The following TYR variants were observed in gnomAD, a reference collection of about 807,000 sequenced individuals.
The protein encoded by TYR is LB24-AB.
A neutral mutation model predicts 51.5 loss-of-function variants in TYR; 58 were observed. The ratio of observed to expected loss-of-function variants is 1.13; its 90% CI spans 0.91 to 1.40. The LOEUF is 1.40. Ranked by LOEUF, TYR falls within the 40% of genes most tolerant of loss-of-function variation. TYR has a pLI of 0.00. For missense variants in TYR, 732 were observed against 647.4 expected (o/e 1.13, Z -1.42); for synonymous variants, 263 against 235.2 (o/e 1.12, Z -1.08).
intron 2 of TYR, among the ~76,000 whole-genome samples, chr11:89,203,719 C>G (rs1943630624): frequency 6.6e-6 from 1 of 152,066 alleles, no homozygotes; most frequent in South Asian, 2.1e-4. Context: ...GCTGAAGAAG[C>G]TTGTAACCTA....
chr11:89,287,589 C>A (rs1057448726), intron 4 of TYR, among the ~76,000 whole-genome samples: 8 of 151,628 alleles, frequency 5.3e-5, no homozygotes, highest in African/African-American at 7.3e-5. Context: ...CTCCAGGGGT[C>A]AATGAAGTGA....
chr11:89,239,218 C>A (rs186607978), intron 3 of TYR, among the ~76,000 whole-genome samples: 105 of 152,198 alleles, frequency 6.9e-4, no homozygotes, highest in African/African-American at 2.4e-3. Context: ...AAGCTTTTCT[C>A]TGATGGAATA....
chr11:89,206,519 A>G (rs1943674324), intron 2 of TYR, among the ~76,000 whole-genome samples: 1 of 152,182 alleles, frequency 6.6e-6, no homozygotes, highest in African/African-American at 2.4e-5. Context: ...AAAAGGAAGA[A>G]ATAGACAAAT....
chr11:89,230,185 T>C (rs35105852), intron 3 of TYR, among the ~76,000 whole-genome samples: 31,099 of 151,942 alleles, frequency 0.2, 4,600 homozygotes, highest in African/African-American at 0.42. Flanking sequence ...TAAAAGAAGA[T>C]TTATTGTTCA....
At chr11:89,192,079 G>T (rs1591143678) in intron 2 of TYR, 1 of 414,612 alleles carries the variant, frequency 2.4e-6, no homozygotes. Flanking sequence ...CATAGGTAAA[G>T]CCTCCCTCTC....
At chr11:89,182,611 ATT>A (rs1214892076) in intron 1 of TYR, among the ~76,000 whole-genome samples, 1 of 152,146 alleles carries the variant, frequency 6.6e-6, no homozygotes, top group East Asian at 1.9e-4. Flanking sequence ...TAATTAATTT[ATT>A]TGGAAATATT....
chr11:89,185,642 C>T (rs1345407150), intron 1 of TYR, among the ~76,000 whole-genome samples: 1 of 152,012 alleles, frequency 6.6e-6, no homozygotes, highest in East Asian at 1.9e-4. Flanking sequence ...CCCTAGTGGC[C>T]CCAAGCCTCC....
intron 3 of TYR, among the ~76,000 whole-genome samples, chr11:89,228,378 C>T (rs918387641): frequency 3.1e-4 from 47 of 152,240 alleles, no homozygotes; most frequent in African/African-American, 1.0e-3. Flanking sequence ...GGATGTAAAA[C>T]TCCCAGGAGC....
intron 3 of TYR, among the ~76,000 whole-genome samples, chr11:89,280,026 T>C (rs1944702868): frequency 6.6e-6 from 1 of 151,740 alleles, no homozygotes; most frequent in South Asian, 2.1e-4. Flanking sequence ...AACTTTATTT[T>C]GTGGCTCAAA....
intron 3 of TYR, among the ~76,000 whole-genome samples, chr11:89,260,213 A>G (rs1028306612): frequency 1.3e-5 from 2 of 151,716 alleles, no homozygotes; most frequent in African/African-American, 4.8e-5. Flanking sequence ...CTGAACTTCT[A>G]CTTCCATTGA....
At chr11:89,187,513 G>T (rs891750211) in intron 1 of TYR, among the ~76,000 whole-genome samples, 1 of 152,166 alleles carries the variant, frequency 6.6e-6, no homozygotes, top group Non-Finnish European at 1.5e-5. Context: ...TTGGCCAAGA[G>T]ATGACAGGGG....
At chr11:89,244,377 C>T (rs1310546414) in intron 3 of TYR, among the ~76,000 whole-genome samples, 1 of 152,008 alleles carries the variant, frequency 6.6e-6, no homozygotes, top group Non-Finnish European at 1.5e-5. Context: ...CCAGCTCCAG[C>T]TTCTGAAATG....
chr11:89,264,655 T>A (rs560070443), intron 3 of TYR, among the ~76,000 whole-genome samples: 1 of 151,028 alleles, frequency 6.6e-6, no homozygotes, highest in African/African-American at 2.4e-5. Context: ...AGCAAAGACA[T>A]GGAATCAACC....
intron 3 of TYR, among the ~76,000 whole-genome samples, chr11:89,282,757 G>A (rs1944733952): frequency 1.3e-5 from 2 of 151,634 alleles, no homozygotes; most frequent in South Asian, 4.1e-4. Flanking sequence ...TCTCATTTTT[G>A]CCTATCAGAA....
chr11:89,229,966 A>G (rs1944025745), intron 3 of TYR, among the ~76,000 whole-genome samples: 1 of 152,058 alleles, frequency 6.6e-6, no homozygotes, highest in Non-Finnish European at 1.5e-5. Flanking sequence ...TTACTATACT[A>G]CCCAAAGAAA....
chr11:89,284,670 T>A (rs1337762122), intron 3 of TYR, 103 bp from the exon 4 acceptor site: 1 of 1,006,324 alleles, frequency 9.9e-7, no homozygotes, highest in Non-Finnish European at 1.5e-6. Context: ...CATCTTTCCA[T>A]GTCTCCAGAT....
intron 3 of TYR, among the ~76,000 whole-genome samples, chr11:89,247,566 A>G (rs1157601962): frequency 5.3e-5 from 8 of 152,284 alleles, no homozygotes; most frequent in Admixed American, 3.3e-4. Flanking sequence ...AATATTGATA[A>G]CTTAAAAAGC....
At chr11:89,275,583 T>C (rs1042822655) in intron 3 of TYR, among the ~76,000 whole-genome samples, 3 of 151,936 alleles carry the variant, frequency 2.0e-5, no homozygotes, top group Non-Finnish European at 2.9e-5. Flanking sequence ...AGGAAAACTT[T>C]AGCCAAATTA....
intron 3 of TYR, among the ~76,000 whole-genome samples, chr11:89,228,750 C>T (rs903514524): frequency 9.2e-5 from 14 of 152,208 alleles, no homozygotes; most frequent in Non-Finnish European, 1.6e-4. Context: ...TTTTATTTCC[C>T]TTATTAGCCT....
Sources: allele counts gnomAD v4.1 joint callset (sites outside exome capture counted in the v4.1 genomes callset), GRCh38; gene constraint gnomAD v4.1.1; transcripts MANE v1.5; gene names NCBI Gene and HGNC (gene_info 2026-07-23, HGNC 2026-07-21).